Variants in SCPEP1 observed in about 807,000 individuals in gnomAD.
SCPEP1 encodes retinoid-inducible serine carboxypeptidase.
A neutral mutation model predicts 63.8 loss-of-function variants in SCPEP1; 51 were observed. The observed-to-expected ratio is 0.80, with a 90% confidence interval of 0.64 to 1.01. The LOEUF (loss-of-function observed/expected upper bound fraction) is 1.01. Ranked by LOEUF, SCPEP1 falls within the 50% of genes least tolerant of loss-of-function variation. The pLI, the probability that SCPEP1 is intolerant of heterozygous loss-of-function variation, is 0.00. For missense variants in SCPEP1, 499 were observed against 554.9 expected (o/e 0.90, Z 1.01); for synonymous variants, 204 against 207.8 (o/e 0.98, Z 0.16).
At chr17:56,998,734 T>C (rs1026853857) in intron 10 of SCPEP1, among the ~76,000 whole-genome samples, 1 of 151,862 alleles carries the variant, frequency 6.6e-6, no homozygotes, top group African/African-American at 2.4e-5. Context: ...GGAGACTGAG[T>C]TGAGAGGATT....
At position 57,002,036 on chromosome 17, in the gene SCPEP1, G is replaced by A. The variant is rs779682986; in HGVS notation, c.1151G>A (p.Arg384Gln). The A allele has an allele frequency of 3.8e-5, 62 of 1,614,000 alleles. No homozygotes were observed. Among genetic ancestry groups the A allele is most frequent in the African/African-American group, 3.2e-4 (24 of 75,046 alleles). Residue 384 changes from arginine (R) to glutamine (Q), a missense_variant, in exon 12 of 13, where the codon CGG (arginine) becomes CAG (glutamine). Coordinates refer to ENST00000262288, the MANE Select transcript of SCPEP1 (RefSeq NM_021626.3). ...TCACCAGGTCAGGAGGCCTGGGTGC[G>A]GAAACTGAAGTGGCCAGAACTGCCT... ...VDTMGQEAWV[R>Q]KLKWPELPKF...
intron 1 of SCPEP1, among the ~76,000 whole-genome samples, chr17:56,980,672 T>C (rs3095501): frequency 0.77 from 116,218 of 151,428 alleles, 45,336 homozygotes; most frequent in East Asian, 0.99. Flanking sequence ...CCTGTAATCC[T>C]AGCTACTTGG....
chr17:57,004,476 A>G (rs1029821881), intron 12 of SCPEP1, among the ~76,000 whole-genome samples: 1 of 152,248 alleles, frequency 6.6e-6, no homozygotes, highest in African/African-American at 2.4e-5. Context: ...AATATTGACT[A>G]AAAGAAAGAA....
chr17:56,989,866 G>A (rs1183001475), intron 5 of SCPEP1, among the ~76,000 whole-genome samples: 3 of 152,106 alleles, frequency 2.0e-5, no homozygotes, highest in African/African-American at 7.2e-5. Flanking sequence ...AGAACTGCTT[G>A]AACCCAGGGA....
chr17:57,004,593 T>C (rs1911831308), intron 12 of SCPEP1, among the ~76,000 whole-genome samples: 1 of 152,214 alleles, frequency 6.6e-6, no homozygotes, highest in Non-Finnish European at 1.5e-5. Flanking sequence ...TATTTTGGAA[T>C]ATTTGCATAT....
At position 56,978,187 on chromosome 17, in the gene SCPEP1, G is replaced by C. The variant is rs1910968998; in HGVS notation, c.28G>C (p.Val10Leu). The C allele has an allele frequency of 6.4e-7, 1 of 1,566,064 alleles. No individual in the cohort carries two copies. The highest frequency in any genetic ancestry group is 1.4e-5 in the African/African-American group (1 of 73,758). MELALRRSP[V>L]PRWLLLLPLL... The stretch of plus-strand genomic sequence containing the variant: ...GGAGCTGGCACTGCGGCGCTCTCCC[G>C]TCCCGCGGTGGTTGCTGCTGCTGCC... The change falls in exon 1 of 13, where the codon GTC (valine) becomes CTC (leucine). Residue 10 changes from valine to leucine, a missense_variant. Transcript: ENST00000262288.
intron 10 of SCPEP1, among the ~76,000 whole-genome samples, chr17:56,998,725 G>A (rs1449233962): frequency 2.0e-5 from 3 of 152,176 alleles, no homozygotes; most frequent in Non-Finnish European, 4.4e-5. Flanking sequence ...ACCACTGTGG[G>A]AGACTGAGTT....
In SCPEP1 at chr17:57,006,064, C is replaced by T. The variant is rs151040903; in HGVS notation, c.1297-109C>T. On this transcript the variant is annotated intron_variant, in intron 12 of 12. Coordinates refer to ENST00000262288, the MANE Select transcript of SCPEP1 (RefSeq NM_021626.3). The stretch of plus-strand genomic sequence containing the variant: ...TGTGCCCAGGTGTCTGCACAGGTTG[C>T]TGTCACAGAGCTGGCTCCCTTTTGG... 476 of 763,402 alleles carry T rather than the reference C, an allele frequency of 6.2e-4. 1 individual carries two copies. The highest frequency in any genetic ancestry group is 8.8e-4 in the Admixed American group (36 of 41,086). 47.3% of individuals were successfully genotyped at this position (763,402 alleles called of 1,614,324 possible). A position where few individuals can be genotyped will look rare whatever the true frequency, so the allele number is the denominator to read the frequency against.
At position 56,981,057 on chromosome 17, in the gene SCPEP1, G is replaced by T. The variant is rs776475729; in HGVS notation, c.77-25G>T. On this transcript the variant is annotated intron_variant, in intron 1 of 12. Coordinates refer to ENST00000262288, the MANE Select transcript of SCPEP1 (RefSeq NM_021626.3). ...CCTGTACATTAGGCACTCTTCTGGAGAGTGAAATTGAACTTCTGTTTCAGG... is the reference window on the plus strand; with the variant it reads ...CCTGTACATTAGGCACTCTTCTGGATAGTGAAATTGAACTTCTGTTTCAGG... The T allele has an allele frequency of 1.2e-5, 20 of 1,613,786 alleles. No homozygotes were observed. The South Asian group carries it at 2.2e-4, about 18-fold the overall frequency.
rs1910971736 is a variant in SCPEP1, at chr17:56,978,226, C to T, written c.67C>T (p.Leu23=). The change falls in exon 1 of 13, where the codon CTG becomes TTG. Residue 23 remains leucine (L), a synonymous_variant. Coordinates refer to ENST00000262288, the MANE Select transcript of SCPEP1 (RefSeq NM_021626.3). The part of the protein sequence containing the change: ...WLLLLPLLLG[L]NAGAVIDWPT... Reference sequence around the variant, plus strand: ...GCTGCTGCTGCCGCTGCTGCTGGGCCTGAACGCAGGTAGGTTCAAGCAAGA... The same window carrying T: ...GCTGCTGCTGCCGCTGCTGCTGGGCTTGAACGCAGGTAGGTTCAAGCAAGA... 1.9e-6 allele frequency: 3 copies of T among 1,550,644 alleles called. No individual in the cohort carries two copies. The highest frequency in any genetic ancestry group is 2.6e-6 in the Non-Finnish European group (3 of 1,153,584).
chr17:57,004,513 G>A (rs1288203986), intron 12 of SCPEP1, among the ~76,000 whole-genome samples: 1 of 152,170 alleles, frequency 6.6e-6, no homozygotes, highest in Non-Finnish European at 1.5e-5. Context: ...AGCAAGCACT[G>A]TTACAGGTTG....
intron 3 of SCPEP1, among the ~76,000 whole-genome samples, chr17:56,986,580 C>G (rs576636191): frequency 2.0e-5 from 3 of 149,458 alleles, no homozygotes; most frequent in Admixed American, 1.3e-4. Context: ...GAGTCTCGCT[C>G]TTTCGCCCAG....
At chr17:56,989,445 C>G (rs1443557441) in intron 5 of SCPEP1, among the ~76,000 whole-genome samples, 2 of 152,092 alleles carry the variant, frequency 1.3e-5, no homozygotes, top group African/African-American at 4.8e-5. Context: ...GACAATTTGA[C>G]AATGTCAATT....
At chr17:56,978,973 C>T (rs1312188400) in intron 1 of SCPEP1, among the ~76,000 whole-genome samples, 1 of 152,172 alleles carries the variant, frequency 6.6e-6, no homozygotes, top group African/African-American at 2.4e-5. Flanking sequence ...GGGAGAAGTG[C>T]CTGGGGTTAG....
intron 6 of SCPEP1, chr17:56,994,779 C>G: frequency 2.0e-6 from 1 of 502,824 alleles, no homozygotes; most frequent in Non-Finnish European, 3.7e-6. Context: ...AGAAAGGCCC[C>G]CACACCCTTA....
rs1388043155 is a variant in SCPEP1 at position 56,986,171 on chromosome 17, A to G, written c.315+704A>G. Among the ~76,000 whole-genome samples the G allele has an allele frequency of 2.6e-5, 4 of 150,992 alleles. No homozygotes were observed. The South Asian group carries it at 6.3e-4, about 24-fold the overall frequency. On this transcript the variant is annotated intron_variant, in intron 3 of 12. Transcript: ENST00000262288. The stretch of plus-strand genomic sequence containing the variant: ...GCTATGAATGTTCTCCACTTTCCTC[A>G]GTGCTCCTCCTCCAGCCTCCCTCTC...
chr17:56,981,089 C>T lies in SCPEP1; in HGVS notation c.84C>T (p.Val28=). The change falls in exon 2 of 13, where the codon GTC becomes GTT. Residue 28 remains valine, a synonymous_variant. Transcript: ENST00000262288. ...ATTGAACTTCTGTTTCAGGAGCTGTCATTGACTGGCCCACAGAGGAGGGCA... is the reference window on the plus strand; with the variant it reads ...ATTGAACTTCTGTTTCAGGAGCTGTTATTGACTGGCCCACAGAGGAGGGCA... ...PLLLGLNAGA[V]IDWPTEEGKE... The T allele has an allele frequency of 6.2e-7, 1 of 1,614,094 alleles. No homozygotes were observed. The highest frequency in any genetic ancestry group is 8.5e-7 in the Non-Finnish European group (1 of 1,179,990).
At chr17:57,003,938 C>A (rs1911812741) in intron 12 of SCPEP1, among the ~76,000 whole-genome samples, 1 of 152,150 alleles carries the variant, frequency 6.6e-6, no homozygotes, top group Non-Finnish European at 1.5e-5. Context: ...GTGGCTGACA[C>A]CTGTAATCCC....
chr17:56,990,150 G>C (rs553855394), intron 5 of SCPEP1, among the ~76,000 whole-genome samples: 1 of 152,290 alleles, frequency 6.6e-6, no homozygotes, highest in Admixed American at 6.5e-5. Context: ...AACTTTGTTT[G>C]TAAGTCAAAA....
Sources: allele counts gnomAD v4.1 joint callset (sites outside exome capture counted in the v4.1 genomes callset), GRCh38; gene constraint gnomAD v4.1.1; transcripts MANE v1.5; gene names NCBI Gene and HGNC (gene_info 2026-07-23, HGNC 2026-07-21).